The following PEX5 variants were observed in gnomAD, a reference collection of about 807,000 sequenced individuals.
The protein encoded by PEX5 is peroxisomal biogenesis factor 5, also known as PTS1 receptor.
A neutral mutation model predicts 82.9 loss-of-function variants in PEX5; 52 were observed. The ratio of observed to expected loss-of-function variants is 0.63; its 90% CI spans 0.50 to 0.79. PEX5 has a LOEUF of 0.79. PEX5 is among the 30% of genes least tolerant of loss of function. The pLI is 0.00. For synonymous variants in PEX5, 300 were observed against 318.8 expected (o/e 0.94, Z 0.63); for missense variants, 719 against 815.2 (o/e 0.88, Z 1.44).
intron 5 of PEX5, among the ~76,000 whole-genome samples, chr12:7,196,408 TATATA>T (rs1257568570): frequency 5.8e-5 from 7 of 120,342 alleles, no homozygotes; most frequent in African/African-American, 1.9e-4. Flanking sequence ...ATATGTGTCA[TATATA>T]ATGTAATAAT....
At chr12:7,212,464 GA>G (rs5796271), downstream of PEX5, among the ~76,000 whole-genome samples, 598 of 96,278 alleles carry the variant, frequency 6.2e-3, 5 homozygotes, top group African/African-American at 0.026. Flanking sequence ...AAAGCTGCCA[GA>G]AAAAAAAAAA....
In PEX5 at chr12:7,209,808, G is replaced by A. The variant is rs1041585253; in HGVS notation, c.1686G>A (p.Leu562=). The A allele has an allele frequency of 1.9e-6, 3 of 1,614,046 alleles. No homozygotes were observed. Among genetic ancestry groups the A allele is most frequent in the African/African-American group, 2.7e-5 (2 of 74,894 alleles). Residue 562 remains leucine, a synonymous_variant, in exon 15 of 16, where the codon CTG becomes CTA. Transcript: ENST00000675855. The stretch of plus-strand genomic sequence containing the variant: ...GCTATATCCGGTCCCGCTATAACCT[G>A]GGCATCAGCTGCATCAACCTCGGGG... The part of the protein sequence containing the change: ...QPGYIRSRYN[L]GISCINLGAH...
Position 7,202,668 on chromosome 12 carries a change from T to C in PEX5, c.810T>C (p.Leu270=). 6.2e-7 allele frequency: 1 copy of C among 1,613,998 alleles called. No individual in the cohort carries two copies. The highest frequency in any genetic ancestry group is 8.5e-7 in the Non-Finnish European group (1 of 1,179,966). ...QFTRPVNTSA[L]DMEFERAKSA... ...CAAGACCAGTAAACACATCTGCCCT[T>C]GATATGGAGTTTGAACGAGCCAAGT... Residue 270 remains leucine (L), a synonymous_variant, in exon 9 of 16, where the codon CTT becomes CTC. Coordinates refer to ENST00000675855, the MANE Select transcript of PEX5 (RefSeq NM_001351132.2).
rs1565707721 is a variant in PEX5 at position 7,203,219 on chromosome 12, C to CCGAACCGAACCAACCGAACCCAA, written c.847-213_847-212insCGAACCGAACCAACCGAACCCAA. ...CACTGCACTGCACTGCACTGCACTG[C>CCGAACCGAACCAACCGAACCCAA]ACTACATTACATTTCTGGCCATCAC... On this transcript the variant is annotated intron_variant, in intron 9 of 15. Coordinates refer to ENST00000675855, the MANE Select transcript of PEX5 (RefSeq NM_001351132.2). Among the ~76,000 whole-genome samples, 19 of 83,310 alleles carry CCGAACCGAACCAACCGAACCCAA rather than the reference C, an allele frequency of 2.3e-4. 3 individuals are homozygous for CCGAACCGAACCAACCGAACCCAA. Among genetic ancestry groups the CCGAACCGAACCAACCGAACCCAA allele is most frequent in the African/African-American group, 6.7e-4 (19 of 28,254 alleles). 54.7% of individuals were successfully genotyped at this position (83,310 alleles called of 152,430 possible). A position where few individuals can be genotyped will look rare whatever the true frequency, so the allele number is the denominator to read the frequency against.
downstream of PEX5, among the ~76,000 whole-genome samples, chr12:7,212,272 A>AG (rs1555184565): frequency 6.6e-6 from 1 of 151,938 alleles, no homozygotes; most frequent in Admixed American, 6.6e-5. Flanking sequence ...GCCAAAAAAA[A>AG]GTCTAACTTT....
intron 5 of PEX5, among the ~76,000 whole-genome samples, chr12:7,194,264 AATT>A (rs1213998749): frequency 2.0e-5 from 3 of 152,114 alleles, no homozygotes; most frequent in Admixed American, 6.5e-5. Flanking sequence ...GTTGCAGCTC[AATT>A]ATTTAAATTT....
chr12:7,210,514 C>T lies in PEX5; in HGVS notation c.*291C>T. ...TCTTGGTGCTGCTTTTTGGGTAGGA[C>T]CCCACGATTTAGGGTAACTGTTATC... is the stretch of plus-strand genomic sequence containing the variant. On this transcript the variant is annotated 3_prime_UTR_variant, in exon 16 of 16. Coordinates refer to ENST00000675855, the MANE Select transcript of PEX5 (RefSeq NM_001351132.2). 1.9e-6 allele frequency: 1 copy of T among 525,848 alleles called. No homozygotes were observed. The highest frequency in any genetic ancestry group is 2.0e-5 in the South Asian group (1 of 49,660). The allele number at this position is 525,848 out of a possible 1,614,324, so 32.6% of individuals were successfully genotyped here.
At chr12:7,190,556 C>T (rs1940870631) in intron 2 of PEX5, 32 bp downstream of exon 2, 1 of 1,043,390 alleles carries the variant, frequency 9.6e-7, no homozygotes, top group African/African-American at 3.0e-5. Flanking sequence ...AGCCCAGGTG[C>T]AGCCTCTGAG....
chr12:7,192,791 C>CT (rs1192742571), intron 5 of PEX5, among the ~76,000 whole-genome samples: 1 of 152,110 alleles, frequency 6.6e-6, no homozygotes, highest in East Asian at 1.9e-4. Flanking sequence ...GGTCTCAAGT[C>CT]TAATTTTCCT....
At chr12:7,203,224 C>CG (rs1565707787) in intron 9 of PEX5, among the ~76,000 whole-genome samples, 8 of 143,922 alleles carry the variant, frequency 5.6e-5, no homozygotes, top group South Asian at 2.4e-4. Context: ...CACTGCACTA[C>CG]ATTACATTTC....
At chr12:7,215,781 T>C (rs1341641315), downstream of PEX5, among the ~76,000 whole-genome samples, 1 of 152,116 alleles carries the variant, frequency 6.6e-6, no homozygotes, top group Non-Finnish European at 1.5e-5. Flanking sequence ...TGTTGGGTAC[T>C]ATGCTCACTC....
intron 10 of PEX5, 106 bp from the exon 11 acceptor site, chr12:7,207,553 C>T (rs138903727): frequency 1.9e-6 from 2 of 1,070,538 alleles, no homozygotes; most frequent in Non-Finnish European, 1.5e-6. Flanking sequence ...ATTCCGGAAC[C>T]TGTTTGGAGG....
At chr12:7,189,771 G>A (rs1940571357) in intron 1 of PEX5, 21 bp downstream of exon 1, 2 of 419,436 alleles carry the variant, frequency 4.8e-6, no homozygotes, top group Non-Finnish European at 7.1e-6. Flanking sequence ...GACCCCGAGG[G>A]GGCCCGGGGC....
intron 6 of PEX5, among the ~76,000 whole-genome samples, chr12:7,199,363 G>GT (rs1943327851): frequency 6.6e-6 from 1 of 151,198 alleles, no homozygotes; most frequent in Admixed American, 6.6e-5. Context: ...CTTCCGCAGT[G>GT]TTTGTGTCCC....
chr12:7,217,253 C>G (rs1945805630), intron 17 of PEX5, among the ~76,000 whole-genome samples: 1 of 152,188 alleles, frequency 6.6e-6, no homozygotes, highest in Non-Finnish European at 1.5e-5. Context: ...TGGGATTTAC[C>G]TTTTCTTGGG....
Position 7,210,292 on chromosome 12 carries a change from C to T in PEX5, c.*69C>T. On this transcript the variant is annotated 3_prime_UTR_variant, in exon 16 of 16. Transcript: ENST00000675855. ...CCGCTTTGGATGTGATTCCCTCTCCCCAAATGGGCCTACCAAGGGGGCGGG... is the reference window on the plus strand; with the variant it reads ...CCGCTTTGGATGTGATTCCCTCTCCTCAAATGGGCCTACCAAGGGGGCGGG... 1.4e-6 allele frequency: 2 copies of T among 1,472,416 alleles called. No homozygotes were observed. Among genetic ancestry groups the T allele is most frequent in the Non-Finnish European group, 1.9e-6 (2 of 1,056,184 alleles). 91.2% of individuals were successfully genotyped at this position (1,472,416 alleles called of 1,614,324 possible).
Position 7,200,348 on chromosome 12 carries a change from C to T in PEX5, c.551+1235C>T, listed in dbSNP as rs745837217. On this transcript the variant is annotated intron_variant, in intron 6 of 15. Coordinates refer to ENST00000675855, the MANE Select transcript of PEX5 (RefSeq NM_001351132.2). Reference sequence around the variant, plus strand: ...CGATGGGATGGCGGCTGGGAAGAGGCGCTCCTCACTTCCTAGATGGGATGG... The same window carrying T: ...CGATGGGATGGCGGCTGGGAAGAGGTGCTCCTCACTTCCTAGATGGGATGG... Among the ~76,000 whole-genome samples the T allele has an allele frequency of 1.3e-3, 191 of 151,326 alleles. 2 individuals are homozygous for T. The highest frequency in any genetic ancestry group is 6.0e-4 in the Non-Finnish European group (41 of 67,810).
At chr12:7,201,234 CAT>C (rs1327390761) in intron 6 of PEX5, among the ~76,000 whole-genome samples, 4 of 152,056 alleles carry the variant, frequency 2.6e-5, no homozygotes, top group Admixed American at 6.5e-5. Flanking sequence ...CACACGTATA[CAT>C]ATGTAAACAT....
At chr12:7,214,296 A>C (rs766953544), downstream of PEX5, among the ~76,000 whole-genome samples, 477 of 152,198 alleles carry the variant, frequency 3.1e-3, 1 homozygote, top group African/African-American at 9.9e-3. Context: ...ACTATTCACA[A>C]TAGCAAAGAC....
Sources: gnomAD v4.1 joint callset for allele counts (sites outside exome capture counted in the v4.1 genomes callset) on GRCh38, gnomAD v4.1.1 for gene constraint, MANE v1.5 for transcripts, NCBI Gene and HGNC (gene_info 2026-07-23, HGNC 2026-07-21) for gene names.